The following CNTNAP2 variants were observed in gnomAD, a reference collection of about 807,000 sequenced individuals.
CNTNAP2 encodes contactin-associated protein-like 2.
In CNTNAP2, 98 loss-of-function variants were observed where a neutral mutation model predicts 155.2. The ratio of observed to expected loss-of-function variants is 0.63; its 90% confidence interval spans 0.54 to 0.75. The LOEUF (loss-of-function observed/expected upper bound fraction) is 0.75, where lower values mean the gene tolerates loss of function less well. CNTNAP2 is among the 30% of genes least tolerant of loss of function. CNTNAP2 has a pLI of 0.00. For missense variants in CNTNAP2, 1,727 were observed against 1,688.1 expected (o/e 1.02, Z -0.40); for synonymous variants, 651 against 631.2 (o/e 1.03, Z -0.47).
chr7:147,079,485 C>A (rs1023323531), intron 4 of CNTNAP2, among the ~76,000 whole-genome samples: 1 of 151,598 alleles, frequency 6.6e-6, no homozygotes, highest in East Asian at 1.9e-4. Flanking sequence ...AGGAGATATA[C>A]CTAATGCTAA....
At chr7:146,460,002 C>G (rs1439643268) in intron 1 of CNTNAP2, among the ~76,000 whole-genome samples, 1 of 151,796 alleles carries the variant, frequency 6.6e-6, no homozygotes, top group East Asian at 1.9e-4. Context: ...AAACAGAAAA[C>G]AGGGGCTACT....
intron 13 of CNTNAP2, among the ~76,000 whole-genome samples, chr7:147,819,338 G>C (rs1402102465): frequency 6.6e-6 from 1 of 152,048 alleles, no homozygotes; most frequent in Non-Finnish European, 1.5e-5. Context: ...TTTCACTTCA[G>C]CTTTTCAACA....
intron 1 of CNTNAP2, among the ~76,000 whole-genome samples, chr7:146,394,035 G>C (rs1795584494): frequency 6.6e-6 from 1 of 152,144 alleles, no homozygotes; most frequent in South Asian, 2.1e-4. Context: ...AAGGCTGCTT[G>C]TTGTCGCTTT....
intron 4 of CNTNAP2, among the ~76,000 whole-genome samples, chr7:147,051,656 T>C (rs1799476141): frequency 6.6e-6 from 1 of 152,030 alleles, no homozygotes; most frequent in African/African-American, 2.4e-5. Flanking sequence ...ATTTGGAGTT[T>C]TTAGTTAGCA....
intron 8 of CNTNAP2, among the ~76,000 whole-genome samples, chr7:147,254,488 T>G (rs1290458768): frequency 1.3e-5 from 2 of 152,196 alleles, no homozygotes; most frequent in African/African-American, 2.4e-5. Flanking sequence ...TCCCTTGTGT[T>G]AACTTTAAAC....
At chr7:146,721,889 A>ATATATATATATTTT in intron 1 of CNTNAP2, among the ~76,000 whole-genome samples, 2 of 69,738 alleles carry the variant, frequency 2.9e-5, no homozygotes, top group African/African-American at 1.9e-4. Flanking sequence ...ATATATATAT[A>ATATATATATATTTT]TTTTTTTTTT....
At chr7:148,135,597 C>G (rs1804919981) in intron 16 of CNTNAP2, among the ~76,000 whole-genome samples, 1 of 151,834 alleles carries the variant, frequency 6.6e-6, no homozygotes, top group African/African-American at 2.4e-5. Context: ...GCCTGTAATC[C>G]CAGCACTTTG....
chr7:147,448,012 A>G (rs938342799), intron 10 of CNTNAP2, among the ~76,000 whole-genome samples: 1 of 152,102 alleles, frequency 6.6e-6, no homozygotes, highest in Non-Finnish European at 1.5e-5. Flanking sequence ...ATGATCATGC[A>G]TAGCTCCTAA....
intron 11 of CNTNAP2, among the ~76,000 whole-genome samples, chr7:147,523,652 C>T (rs894895057): frequency 6.6e-6 from 1 of 152,144 alleles, no homozygotes; most frequent in African/African-American, 2.4e-5. Context: ...GCTTGGGCCC[C>T]CTGTATCAGG....
chr7:146,781,969 A>C, intron 2 of CNTNAP2, among the ~76,000 whole-genome samples: 1 of 152,102 alleles, frequency 6.6e-6, no homozygotes, highest in Admixed American at 6.6e-5. Context: ...CTCCTTTGTT[A>C]CACATGGCCC....
rs372994341 is a variant in CNTNAP2, at chr7:146,747,944, A to G, written c.98-26327A>G. Reference sequence around the variant, plus strand: ...GATTGAATATTAAATTATTCACGGGATGAAACTGCCTGCTATAGGCTTAAT... The same window carrying G: ...GATTGAATATTAAATTATTCACGGGGTGAAACTGCCTGCTATAGGCTTAAT... On this transcript the variant is annotated intron_variant, in intron 1 of 23. Transcript: ENST00000361727. Among the ~76,000 whole-genome samples the G allele has an allele frequency of 3.3e-5, 5 of 152,162 alleles. No individual in the cohort carries two copies. The East Asian group carries it at 5.8e-4, about 18-fold the overall frequency.
chr7:146,986,453 T>A (rs1156699663), intron 3 of CNTNAP2, among the ~76,000 whole-genome samples: 1 of 152,222 alleles, frequency 6.6e-6, no homozygotes, highest in Non-Finnish European at 1.5e-5. Context: ...CAAATTGTGA[T>A]GCTATAAACA....
rs534197397 is a variant in CNTNAP2 at position 148,106,382 on chromosome 7, A to G, written c.2384-11736A>G. 1.6e-4 allele frequency among the ~76,000 whole-genome samples: 22 copies of G among 138,748 alleles called. No homozygotes were observed. The East Asian group carries it at 3.3e-3, about 21-fold the overall frequency. 91.0% of individuals were successfully genotyped at this position (138,748 alleles called of 152,430 possible). On this transcript the variant is annotated intron_variant, in intron 15 of 23. Transcript: ENST00000361727. Reference sequence around the variant, plus strand: ...ATGAAATGGGTGAAAATTACTCAGGAAAAGAAAAAAAGCATAAATATTCAT... The same window carrying G: ...ATGAAATGGGTGAAAATTACTCAGGGAAAGAAAAAAAGCATAAATATTCAT...
intron 1 of CNTNAP2, among the ~76,000 whole-genome samples, chr7:146,718,925 A>G (rs932076560): frequency 1.3e-5 from 2 of 152,144 alleles, no homozygotes; most frequent in African/African-American, 4.8e-5. Flanking sequence ...ACAAGTTGAA[A>G]TGGGCGTGTG....
intron 9 of CNTNAP2, among the ~76,000 whole-genome samples, chr7:147,363,140 A>G (rs73740612): frequency 0.02 from 2,989 of 151,946 alleles, 99 homozygotes; most frequent in African/African-American, 0.069. Flanking sequence ...GAAGGAAATT[A>G]GATTCAGATG....
At chr7:146,813,540 T>G (rs1803108507) in intron 2 of CNTNAP2, among the ~76,000 whole-genome samples, 1 of 152,234 alleles carries the variant, frequency 6.6e-6, no homozygotes, top group Admixed American at 6.5e-5. Context: ...ACCTCCATTG[T>G]AACTAGAAAG....
intron 12 of CNTNAP2, among the ~76,000 whole-genome samples, chr7:147,608,553 C>T (rs1180422647): frequency 1.3e-5 from 2 of 152,106 alleles, no homozygotes; most frequent in Non-Finnish European, 2.9e-5. Flanking sequence ...CCTCCTGCCT[C>T]AGCCTCCCAA....
At chr7:146,746,132 A>G (rs1309881621) in intron 1 of CNTNAP2, among the ~76,000 whole-genome samples, 3 of 152,186 alleles carry the variant, frequency 2.0e-5, no homozygotes, top group African/African-American at 4.8e-5. Flanking sequence ...TTAGTGATTC[A>G]TTTTATCTTT....
chr7:147,061,305 T>C (rs1389411335), intron 4 of CNTNAP2, among the ~76,000 whole-genome samples: 3 of 152,204 alleles, frequency 2.0e-5, no homozygotes, highest in East Asian at 3.8e-4. Flanking sequence ...AAAAAAATGA[T>C]TAGTCAAAAT....
Sources: gnomAD v4.1 joint callset for allele counts (sites outside exome capture counted in the v4.1 genomes callset) on GRCh38, gnomAD v4.1.1 for gene constraint, MANE v1.5 for transcripts, NCBI Gene and HGNC (gene_info 2026-07-23, HGNC 2026-07-21) for gene names.